TRPC7: variants seen among roughly 807,000 people sequenced by gnomAD.
TRPC7 encodes the protein short transient receptor potential channel 7.
In TRPC7, 42 loss-of-function variants were observed where a neutral mutation model predicts 90.1. The ratio of observed to expected loss-of-function variants is 0.47; its 90% confidence interval spans 0.36 to 0.60. The LOEUF is 0.60. Among genes scored for constraint, TRPC7 ranks in the 20% least tolerant of loss-of-function variants. TRPC7 has a pLI of 0.00. For synonymous variants in TRPC7, 451 were observed against 436.3 expected, an observed-to-expected ratio of 1.03 and a Z score of -0.42; for missense variants, 955 against 1,112.3, an observed-to-expected ratio of 0.86 and a Z score of 2.01.
chr5:136,358,407 T>G (rs1006120984), intron 1 of TRPC7, among the ~76,000 whole-genome samples: 1 of 152,214 alleles, frequency 6.6e-6, no homozygotes, highest in East Asian at 1.9e-4. Flanking sequence ...TCACATATAT[T>G]AACTTGTGTA....
intron 2 of TRPC7, among the ~76,000 whole-genome samples, chr5:136,340,943 A>G (rs1446032136): frequency 3.3e-5 from 5 of 152,172 alleles, no homozygotes; most frequent in African/African-American, 9.7e-5. Context: ...TCTCCTACAA[A>G]ATCAGCAACC....
At chr5:136,333,455 T>G (rs1005881292) in intron 2 of TRPC7, among the ~76,000 whole-genome samples, 2 of 152,162 alleles carry the variant, frequency 1.3e-5, no homozygotes, top group African/African-American at 2.4e-5. Context: ...TCATGGAGGA[T>G]TTTGTATTCT....
At chr5:136,263,100 C>T (rs1756909546) in intron 5 of TRPC7, among the ~76,000 whole-genome samples, 1 of 152,212 alleles carries the variant, frequency 6.6e-6, no homozygotes, top group African/African-American at 2.4e-5. Context: ...ACTCCACAAA[C>T]AACTGCCAAG....
intron 3 of TRPC7, among the ~76,000 whole-genome samples, chr5:136,292,591 C>G (rs1757999094): frequency 6.6e-6 from 1 of 152,090 alleles, no homozygotes; most frequent in South Asian, 2.1e-4. Context: ...AAGACTAAAC[C>G]AGGAAGAAGC....
chr5:136,318,176 A>G lies in TRPC7; in HGVS notation c.781-2397T>C, dbSNP rs528123872. 2.0e-5 allele frequency among the ~76,000 whole-genome samples: 3 copies of G among 152,306 alleles called. No individual in the cohort carries two copies. In the South Asian group the frequency reaches 6.2e-4, roughly 32 times the overall value. ...ACATCTCTTGGGAATTGTGATGATT[A>G]TAAGTCATTGAGCCAAACCTGAGCT... On this transcript the variant is annotated intron_variant, in intron 2 of 11. Transcript: ENST00000513104.
intron 2 of TRPC7, among the ~76,000 whole-genome samples, chr5:136,336,724 G>A (rs557446322): frequency 3.3e-5 from 5 of 152,040 alleles, no homozygotes; most frequent in East Asian, 1.9e-4. Flanking sequence ...AAGTGTTCTC[G>A]TTGTTCAATT....
At chr5:136,296,513 T>C (rs1002798423) in intron 3 of TRPC7, among the ~76,000 whole-genome samples, 1 of 152,052 alleles carries the variant, frequency 6.6e-6, no homozygotes, top group Non-Finnish European at 1.5e-5. Context: ...CATTTTAAAA[T>C]GAATGCTCAA....
intron 7 of TRPC7, among the ~76,000 whole-genome samples, chr5:136,234,395 C>T (rs1376099148): frequency 2.6e-5 from 4 of 152,044 alleles, no homozygotes; most frequent in African/African-American, 4.8e-5. Flanking sequence ...CGGCAACCTC[C>T]GCGTCCTGGG....
chr5:136,256,941 T>A (rs1013627183), intron 5 of TRPC7, among the ~76,000 whole-genome samples: 8 of 152,086 alleles, frequency 5.3e-5, no homozygotes, highest in Non-Finnish European at 7.4e-5. Flanking sequence ...ACAATCGCCT[T>A]TGGGGGTCCA....
intron 2 of TRPC7, among the ~76,000 whole-genome samples, chr5:136,347,997 A>G (rs369907746): frequency 9.8e-5 from 15 of 152,350 alleles, no homozygotes; most frequent in African/African-American, 3.6e-4. Flanking sequence ...GTGGAGATGC[A>G]CTAGTCCTTC....
At position 136,253,439 on chromosome 5, in the gene TRPC7, C is replaced by T. The variant is rs79830162; in HGVS notation, c.1346-1557G>A. 8.0e-3 allele frequency among the ~76,000 whole-genome samples: 1,220 copies of T among 152,160 alleles called. 14 individuals carry two copies. The highest frequency in any genetic ancestry group is 0.021 in the African/African-American group (857 of 41,484). ...CTTGTGTTGGGAAAGTCTATTGATA[C>T]CATTTTCCCAATAACGTGCTCACTT... On this transcript the variant is annotated intron_variant, in intron 5 of 11. Transcript: ENST00000513104.
At chr5:136,223,005 C>T (rs1755508169) in intron 10 of TRPC7, among the ~76,000 whole-genome samples, 2 of 152,220 alleles carry the variant, frequency 1.3e-5, no homozygotes, top group Non-Finnish European at 2.9e-5. Flanking sequence ...CAGGACGATG[C>T]CACACAGCCT....
intron 2 of TRPC7, among the ~76,000 whole-genome samples, chr5:136,337,120 T>C (rs1759690736): frequency 6.6e-6 from 1 of 152,164 alleles, no homozygotes; most frequent in Non-Finnish European, 1.5e-5. Flanking sequence ...GAAGAGTCTG[T>C]CCACAAGGCT....
In TRPC7 at chr5:136,250,917, G is replaced by A. The variant is rs538439704; in HGVS notation, c.1579+732C>T. On this transcript the variant is annotated intron_variant, in intron 6 of 11. Coordinates refer to ENST00000513104, the MANE Select transcript of TRPC7 (RefSeq NM_020389.3). The stretch of plus-strand genomic sequence containing the variant: ...AGGCCAGGATTCCCTGCTATACAAG[G>A]CAATCCTGTATTTTCTGGAAACATT... Among the ~76,000 whole-genome samples, 6 of 152,216 alleles carry A rather than the reference G, an allele frequency of 3.9e-5. No homozygotes were observed. The South Asian group carries it at 1.2e-3, about 32-fold the overall frequency.
intron 5 of TRPC7, among the ~76,000 whole-genome samples, chr5:136,260,937 T>C (rs1180741669): frequency 6.6e-6 from 1 of 152,178 alleles, no homozygotes; most frequent in Admixed American, 6.5e-5. Context: ...TTATAATCAG[T>C]CTGTTCAAAG....
intron 3 of TRPC7, among the ~76,000 whole-genome samples, chr5:136,297,387 T>C (rs890022256): frequency 6.6e-6 from 1 of 152,118 alleles, no homozygotes; most frequent in African/African-American, 2.4e-5. Flanking sequence ...AGAGTAAGCA[T>C]AGCAGTCAGG....
chr5:136,292,358 G>C (rs1202560911), intron 3 of TRPC7, among the ~76,000 whole-genome samples: 2 of 151,160 alleles, frequency 1.3e-5, no homozygotes, highest in Non-Finnish European at 3.0e-5. Context: ...TCCAGGAGCT[G>C]GTTTTTTGAA....
chr5:136,356,112 G>T lies in TRPC7; in HGVS notation c.780+496C>A, dbSNP rs547466119. On this transcript the variant is annotated intron_variant, in intron 2 of 11. Transcript: ENST00000513104. ...CAAGAAAATGGCAAGAACTTCCCAGGTTTAAGAAAAGCTGCAGCCAGGTCT... is the reference window on the plus strand; with the variant it reads ...CAAGAAAATGGCAAGAACTTCCCAGTTTTAAGAAAAGCTGCAGCCAGGTCT... 5.9e-5 allele frequency among the ~76,000 whole-genome samples: 9 copies of T among 152,300 alleles called. No individual in the cohort carries two copies. The South Asian group carries it at 1.9e-3, about 32-fold the overall frequency.
At chr5:136,245,905 G>A (rs74995995) in intron 7 of TRPC7, among the ~76,000 whole-genome samples, 6,950 of 152,062 alleles carry the variant, frequency 0.046, 503 homozygotes, top group African/African-American at 0.15. Flanking sequence ...TAAGTTCACC[G>A]GCCAGTATAT....
Sources: allele counts gnomAD v4.1 joint callset (sites outside exome capture counted in the v4.1 genomes callset), GRCh38; gene constraint gnomAD v4.1.1; transcripts MANE v1.5; gene names NCBI Gene and HGNC (gene_info 2026-07-23, HGNC 2026-07-21).